The following CES5A variants were observed in gnomAD, a reference collection of about 807,000 sequenced individuals.
CES5A encodes the protein carboxylesterase 5A, also known as carboxylesterase 5.
Under a neutral mutation model 62.9 loss-of-function variants are expected in CES5A, and 67 were observed. The observed-to-expected ratio is 1.07, with a 90% CI of 0.88 to 1.31. CES5A has a LOEUF of 1.31. Among genes scored for constraint, CES5A ranks in the 50% most tolerant of loss-of-function variants. CES5A has a pLI of 0.00. For synonymous variants in CES5A, 296 were observed against 280.8 expected (o/e 1.05, Z -0.54); for missense variants, 748 against 708.5 (o/e 1.06, Z -0.63).
chr16:55,876,265 C>A (rs1465335328), upstream of CES5A, among the ~76,000 whole-genome samples: 1 of 151,950 alleles, frequency 6.6e-6, no homozygotes, highest in Non-Finnish European at 1.5e-5. Context: ...GATTTTTTTT[C>A]TTTAAATTGA....
chr16:55,856,510 G>A, intron 8 of CES5A, 65 bp from the exon 9 acceptor site: 1 of 1,493,504 alleles, frequency 6.7e-7, no homozygotes. Context: ...ATCTCCCCAA[G>A]GGCCTGGGCA....
chr16:55,875,323 G>C lies in CES5A; in HGVS notation c.-102C>G, dbSNP rs1214203396. On this transcript the variant is annotated 5_prime_UTR_variant, in exon 1 of 13. Coordinates refer to ENST00000290567, the MANE Select transcript of CES5A (RefSeq NM_001143685.2). ...AGCTTCCTGTTAACAGGCAAATGCTGAATAGGCAGGCAGAGGCAGCAGAGT... is the reference window on the plus strand; with the variant it reads ...AGCTTCCTGTTAACAGGCAAATGCTCAATAGGCAGGCAGAGGCAGCAGAGT... The C allele has an allele frequency of 1.6e-5, 24 of 1,536,704 alleles. No individual in the cohort carries two copies. Among genetic ancestry groups the C allele is most frequent in the Non-Finnish European group, 2.1e-5 (24 of 1,146,262 alleles).
At chr16:55,870,417 G>A (rs1252487654) in intron 3 of CES5A, among the ~76,000 whole-genome samples, 1 of 152,006 alleles carries the variant, frequency 6.6e-6, no homozygotes, top group Non-Finnish European at 1.5e-5. Flanking sequence ...GAAAGAGGAA[G>A]GGTCAGGCAC....
upstream of CES5A, among the ~76,000 whole-genome samples, chr16:55,926,906 T>G (rs770815055): frequency 2.0e-5 from 3 of 152,240 alleles, no homozygotes; most frequent in Non-Finnish European, 4.4e-5. Flanking sequence ...TCGCTTTGAT[T>G]GTGCATTGTC....
chr16:55,929,013 G>C (rs1200752399), upstream of CES5A, among the ~76,000 whole-genome samples: 1 of 152,194 alleles, frequency 6.6e-6, no homozygotes, highest in Non-Finnish European at 1.5e-5. Flanking sequence ...AGCAGGTTAA[G>C]TTCAGGGGTG....
chr16:55,896,409 C>T (rs2033935040), intron 1 of CES5A, among the ~76,000 whole-genome samples: 1 of 152,224 alleles, frequency 6.6e-6, no homozygotes, highest in African/African-American at 2.4e-5. Context: ...TTTGTACATG[C>T]CTGCTCCTTT....
intron 1 of CES5A, among the ~76,000 whole-genome samples, chr16:55,886,592 G>T (rs1306807543): frequency 2.6e-5 from 4 of 152,138 alleles, no homozygotes; most frequent in African/African-American, 9.7e-5. Flanking sequence ...ATACTGCTCC[G>T]AATGCCCACT....
rs193092729 is a variant in CES5A at position 55,952,531 on chromosome 16, G to A, written c.43-2629C>T. ...TTAGAACAGCCTGTGGCAAGACCGAGTGTGAGAATAGAGTGAGTAATGGTC... is the reference window on the plus strand; with the variant it reads ...TTAGAACAGCCTGTGGCAAGACCGAATGTGAGAATAGAGTGAGTAATGGTC... On this transcript the variant is annotated intron_variant, in intron 1 of 13. Coordinates refer to the CES5A transcript ENST00000521992. Among the ~76,000 whole-genome samples, 170 of 152,196 alleles carry A rather than the reference G, an allele frequency of 1.1e-3. 1 individual carries two copies. Among genetic ancestry groups the A allele is most frequent in the Middle Eastern group, 6.8e-3 (2 of 294 alleles).
chr16:55,863,451 A>G lies in CES5A; in HGVS notation c.707T>C (p.Ile236Thr). The change falls in exon 6 of 13, where the codon ATA becomes ACA. Residue 236 changes from isoleucine (I) to threonine (T), a missense_variant and splice_region_variant. Coordinates refer to ENST00000290567, the MANE Select transcript of CES5A (RefSeq NM_001143685.2). Reference protein sequence around the residue: ...SAGAISVSSLILSPMAKGLFH... With the variant: ...SAGAISVSSLTLSPMAKGLFH... ...TAAGCCTTTGGCCATGGGAGACAGT[A>G]TCTGGAGAGAGAACACAGAAGACCC... is the stretch of plus-strand genomic sequence containing the variant. 2.0e-6 allele frequency: 3 copies of G among 1,523,078 alleles called. No homozygotes were observed. The highest frequency in any genetic ancestry group is 1.4e-5 in the African/African-American group (1 of 73,200). The allele number at this position is 1,523,078 out of a possible 1,614,324, so 94.3% of individuals were successfully genotyped here. A position where few individuals can be genotyped will look rare whatever the true frequency, so the allele number is the denominator to read the frequency against.
At chr16:55,886,486 C>T (rs1276299062) in intron 1 of CES5A, among the ~76,000 whole-genome samples, 1 of 152,138 alleles carries the variant, frequency 6.6e-6, no homozygotes, top group African/African-American at 2.4e-5. Context: ...AACCAGCCTC[C>T]CTCCTCAGCC....
intron 2 of CES5A, among the ~76,000 whole-genome samples, chr16:55,940,277 A>G (rs1285644998): frequency 6.6e-6 from 1 of 152,066 alleles, no homozygotes; most frequent in Non-Finnish European, 1.5e-5. Context: ...GGAAAAATCA[A>G]AATGTGTCTA....
intron 1 of CES5A, among the ~76,000 whole-genome samples, chr16:55,900,284 T>C (rs1241103583): frequency 6.6e-6 from 1 of 152,188 alleles, no homozygotes; most frequent in East Asian, 1.9e-4. Flanking sequence ...AAAGAAAATC[T>C]GTTTGCTTGA....
chr16:55,864,538 T>C (rs1440498519), intron 5 of CES5A, among the ~76,000 whole-genome samples: 1 of 152,206 alleles, frequency 6.6e-6, no homozygotes, highest in African/African-American at 2.4e-5. Context: ...ATGAACTGTA[T>C]GTGTACAAAG....
chr16:55,876,256 A>AT (rs113271559), upstream of CES5A, among the ~76,000 whole-genome samples: 60 of 152,118 alleles, frequency 3.9e-4, no homozygotes, highest in African/African-American at 1.4e-3. Context: ...AATTTACTTG[A>AT]TTTTTTTTCT....
chr16:55,934,661 T>G (rs1286508950), intron 2 of CES5A, among the ~76,000 whole-genome samples: 5 of 137,668 alleles, frequency 3.6e-5, no homozygotes, highest in African/African-American at 1.0e-4. Flanking sequence ...GTGTGGGGTG[T>G]GTGTGTGTGT....
chr16:55,949,759 T>C, intron 2 of CES5A: 1 of 1,235,374 alleles, frequency 8.1e-7, no homozygotes, highest in Non-Finnish European at 1.1e-6. Context: ...GACCCAACCC[T>C]GGTAAATTCT....
upstream of CES5A, among the ~76,000 whole-genome samples, chr16:55,877,296 A>G (rs1462382783): frequency 1.3e-5 from 2 of 152,210 alleles, no homozygotes; most frequent in Non-Finnish European, 2.9e-5. Context: ...TGTTTAAATT[A>G]CTGAATAGGA....
chr16:55,951,315 A>G (rs2034555057), intron 1 of CES5A, among the ~76,000 whole-genome samples: 1 of 152,092 alleles, frequency 6.6e-6, no homozygotes, highest in Non-Finnish European at 1.5e-5. Context: ...AATAGGAGAA[A>G]GTAAGCAGTA....
At chr16:55,855,049 G>T (rs1597112510) in intron 9 of CES5A, among the ~76,000 whole-genome samples, 1 of 152,242 alleles carries the variant, frequency 6.6e-6, no homozygotes, top group South Asian at 2.1e-4. Flanking sequence ...CACCAGACAA[G>T]CTCCATTAAT....
Sources: gnomAD v4.1 joint callset for allele counts (sites outside exome capture counted in the v4.1 genomes callset) on GRCh38, gnomAD v4.1.1 for gene constraint, MANE v1.5 for transcripts, NCBI Gene and HGNC (gene_info 2026-07-23, HGNC 2026-07-21) for gene names.